The following CSMD1 variants were observed in gnomAD, a reference collection of about 807,000 sequenced individuals.
The protein encoded by CSMD1 is CUB and Sushi multiple domains 1.
Under a neutral mutation model 417.5 loss-of-function variants are expected in CSMD1, and 213 were observed. The observed-to-expected ratio is 0.51, with a 90% CI of 0.46 to 0.57. The LOEUF is 0.57. Ranked by LOEUF, CSMD1 falls within the 20% of genes least tolerant of loss-of-function variation. CSMD1 has a pLI of 0.00. For missense variants in CSMD1, 6,923 were observed against 4,529.7 expected (o/e 1.53, Z -15.17); for synonymous variants, 2,862 against 1,736.8 (o/e 1.65, Z -16.11).
intron 5 of CSMD1, among the ~76,000 whole-genome samples, chr8:3,954,124 A>G (rs1434555823): frequency 6.6e-6 from 1 of 152,178 alleles, no homozygotes; most frequent in Non-Finnish European, 1.5e-5. Flanking sequence ...GAGAGATCCC[A>G]GTTTCCCGAG....
At position 4,031,911 on chromosome 8, in the gene CSMD1, A is replaced by G; in HGVS notation, c.604T>C (p.Cys202Arg). ...GASWDFPAPF[C>R]RAEGACGGTL... is the part of the protein sequence containing the mutation. ...CCCCCTTGTAGCACTGTACCTCTGC[A>G]AAAGGGAGCTGGGAAGTCCCACGAT... Residue 202 changes from cysteine (C) to arginine (R), a missense_variant, in exon 4 of 70, where the codon TGC becomes CGC. Transcript: ENST00000635120. The G allele has an allele frequency of 6.2e-7, 1 of 1,612,850 alleles. No homozygotes were observed. Among genetic ancestry groups the G allele is most frequent in the Non-Finnish European group, 8.5e-7 (1 of 1,179,314 alleles).
chr8:3,599,493 G>C (rs1256841419), intron 8 of CSMD1, among the ~76,000 whole-genome samples: 1 of 151,554 alleles, frequency 6.6e-6, no homozygotes, highest in Non-Finnish European at 1.5e-5. Flanking sequence ...CCCCAACGCA[G>C]AGTTAGTAAC....
intron 3 of CSMD1, among the ~76,000 whole-genome samples, chr8:4,307,479 T>C (rs1048561125): frequency 6.6e-6 from 1 of 152,176 alleles, no homozygotes; most frequent in Non-Finnish European, 1.5e-5. Context: ...CCAAGGATAT[T>C]AACAGGAAAT....
chr8:4,747,665 T>G (rs780292178), intron 1 of CSMD1, among the ~76,000 whole-genome samples: 1 of 152,162 alleles, frequency 6.6e-6, no homozygotes, highest in Non-Finnish European at 1.5e-5. Context: ...GTTGTTGATT[T>G]TGCATGCCTT....
At chr8:3,268,141 A>C (rs1482534857) in intron 26 of CSMD1, among the ~76,000 whole-genome samples, 2 of 152,082 alleles carry the variant, frequency 1.3e-5, no homozygotes, top group Non-Finnish European at 2.9e-5. Context: ...GAATGTATGA[A>C]CTGATATCTG....
intron 3 of CSMD1, among the ~76,000 whole-genome samples, chr8:4,372,613 C>T (rs1273239456): frequency 7.1e-6 from 1 of 141,108 alleles, no homozygotes; most frequent in Non-Finnish European, 1.5e-5. Context: ...TTTTTACTGT[C>T]AGAAAGTAAG....
At chr8:4,883,127 T>G (rs1408477327) in intron 1 of CSMD1, among the ~76,000 whole-genome samples, 1 of 152,106 alleles carries the variant, frequency 6.6e-6, no homozygotes, top group Non-Finnish European at 1.5e-5. Context: ...GGAAAGGAAA[T>G]TTAAGAATTC....
chr8:4,809,073 G>C (rs1225315225), intron 1 of CSMD1, among the ~76,000 whole-genome samples: 2 of 152,264 alleles, frequency 1.3e-5, no homozygotes, highest in South Asian at 4.1e-4. Flanking sequence ...ACTGCCTCTG[G>C]CTGCAGAATA....
chr8:3,206,084 G>A (rs1251026132), intron 30 of CSMD1, among the ~76,000 whole-genome samples: 3 of 151,924 alleles, frequency 2.0e-5, no homozygotes, highest in African/African-American at 4.8e-5. Context: ...TTGTTTTAAC[G>A]TTTCATCTTA....
At chr8:4,602,875 AAAT>A (rs1271484994) in intron 2 of CSMD1, among the ~76,000 whole-genome samples, 1 of 151,928 alleles carries the variant, frequency 6.6e-6, no homozygotes, top group East Asian at 1.9e-4. Context: ...ATAATTATAT[AAAT>A]AATAACGCTA....
At chr8:4,430,169 G>A (rs559639976) in intron 2 of CSMD1, among the ~76,000 whole-genome samples, 5 of 152,258 alleles carry the variant, frequency 3.3e-5, no homozygotes, top group East Asian at 1.9e-4. Flanking sequence ...TCTATCCTAC[G>A]TGTGCTTTCC....
At chr8:3,950,345 G>A (rs1464820352) in intron 5 of CSMD1, among the ~76,000 whole-genome samples, 2 of 152,146 alleles carry the variant, frequency 1.3e-5, no homozygotes, top group African/African-American at 4.8e-5. Context: ...GACTCTAGCT[G>A]GTCTGCATAA....
At chr8:3,725,130 C>T (rs1802409252) in intron 6 of CSMD1, among the ~76,000 whole-genome samples, 1 of 152,100 alleles carries the variant, frequency 6.6e-6, no homozygotes, top group Non-Finnish European at 1.5e-5. Context: ...GAGGTAGACA[C>T]AGCAGATAGA....
chr8:3,920,405 T>C (rs993362156), intron 5 of CSMD1, among the ~76,000 whole-genome samples: 3 of 151,974 alleles, frequency 2.0e-5, no homozygotes, highest in African/African-American at 7.2e-5. Flanking sequence ...TAGGTTCTTT[T>C]CTAAGACTGT....
chr8:4,871,856 C>G (rs1438614180), intron 1 of CSMD1, among the ~76,000 whole-genome samples: 1 of 152,070 alleles, frequency 6.6e-6, no homozygotes, highest in African/African-American at 2.4e-5. Context: ...GCCAGCAGGT[C>G]TCCAGTTGGT....
intron 2 of CSMD1, among the ~76,000 whole-genome samples, chr8:4,546,569 G>A (rs1030712670): frequency 1.3e-5 from 2 of 152,098 alleles, no homozygotes; most frequent in South Asian, 2.1e-4. Flanking sequence ...CAGCACTTCT[G>A]GTTCTCAGGC....
intron 3 of CSMD1, among the ~76,000 whole-genome samples, chr8:4,063,738 T>G (rs953387432): frequency 1.3e-5 from 2 of 152,184 alleles, no homozygotes; most frequent in Non-Finnish European, 2.9e-5. Context: ...AAATGGGAAG[T>G]GCCTTTTATT....
At chr8:4,066,453 T>A (rs1194898289) in intron 3 of CSMD1, among the ~76,000 whole-genome samples, 1 of 152,182 alleles carries the variant, frequency 6.6e-6, no homozygotes, top group Non-Finnish European at 1.5e-5. Flanking sequence ...TACCCGATAA[T>A]ATTTTCCAAA....
intron 2 of CSMD1, among the ~76,000 whole-genome samples, chr8:4,620,318 C>T (rs1202746150): frequency 6.6e-6 from 1 of 151,478 alleles, no homozygotes; most frequent in Non-Finnish European, 1.5e-5. Flanking sequence ...ATGTATTACA[C>T]ACACATATAT....
Sources: allele counts gnomAD v4.1 joint callset (sites outside exome capture counted in the v4.1 genomes callset), GRCh38; gene constraint gnomAD v4.1.1; transcripts MANE v1.5; gene names NCBI Gene and HGNC (gene_info 2026-07-23, HGNC 2026-07-21).